Variants in SSC4D observed in about 807,000 individuals in gnomAD.
The protein encoded by SSC4D is scavenger receptor cysteine-rich domain-containing group B protein.
In SSC4D, 57 loss-of-function variants were observed where a neutral mutation model predicts 63.4. That is an observed-to-expected ratio of 0.90 (90% CI 0.73 to 1.12). The LOEUF (loss-of-function observed/expected upper bound fraction) is 1.12. Ranked by LOEUF, SSC4D falls within the 50% of genes most tolerant of loss-of-function variation. The probability of loss-of-function intolerance (pLI) is 0.00; values close to 1 mark genes in which losing one functional copy is unlikely to be tolerated. For missense variants in SSC4D, 791 were observed against 806.4 expected (o/e 0.98, Z 0.23); for synonymous variants, 352 against 345.4 (o/e 1.02, Z -0.21).
chr7:76,396,581 G>A (rs1278619362), intron 6 of SSC4D, among the ~76,000 whole-genome samples: 1 of 152,162 alleles, frequency 6.6e-6, no homozygotes, highest in Non-Finnish European at 1.5e-5. Context: ...TTTGCTGAGG[G>A]AAGCCAAAAA....
chr7:76,394,910 G>A (rs999584576), intron 7 of SSC4D, among the ~76,000 whole-genome samples: 4 of 131,292 alleles, frequency 3.0e-5, no homozygotes, highest in Admixed American at 7.8e-5. Context: ...GTCTAGCTAC[G>A]TTGCCCAGGA....
chr7:76,394,408 ATTT>A (rs56223813), intron 7 of SSC4D, among the ~76,000 whole-genome samples: 7 of 134,244 alleles, frequency 5.2e-5, no homozygotes, highest in Non-Finnish European at 6.4e-5. Flanking sequence ...TGCCCAGCTA[ATTT>A]TTTTTTTTTT....
At chr7:76,409,210 G>A (rs1805150170) in intron 1 of SSC4D, among the ~76,000 whole-genome samples, 1 of 152,000 alleles carries the variant, frequency 6.6e-6, no homozygotes, top group South Asian at 2.1e-4. Context: ...TCAAGGTGAT[G>A]GCTACAGAAT....
chr7:76,395,055 G>A (rs1804604998), intron 7 of SSC4D, among the ~76,000 whole-genome samples, 198 bp downstream of exon 7: 1 of 151,852 alleles, frequency 6.6e-6, no homozygotes, highest in South Asian at 2.1e-4. Context: ...CTCCCACCCC[G>A]CTGAAGTTTT....
intron 2 of SSC4D, 84 bp downstream of exon 2, chr7:76,404,223 A>G: frequency 3.5e-6 from 5 of 1,447,926 alleles, no homozygotes; most frequent in South Asian, 2.9e-5. Context: ...CTCATTCACA[A>G]CCCTCCTCCT....
rs1308478511 is a variant in SSC4D at position 76,393,646 on chromosome 7, GC to G, written c.1091del (p.Gly364AlafsTer57). On this transcript the variant is annotated frameshift_variant, in exon 9 of 11. Coordinates refer to ENST00000275560, the MANE Select transcript of SSC4D (RefSeq NM_080744.2). LOFTEE classifies it high-confidence loss of function. ...RGRVEVLHAG[G>X]WGTVCDDDWD... Reference sequence around the variant, plus strand: ...AGTCATCGTCGCACACGGTGCCCCAGCCCCCGGCGTGCAACACCTCCACGCG... The same window carrying G: ...AGTCATCGTCGCACACGGTGCCCCAGCCCCGGCGTGCAACACCTCCACGCG... 10 of 1,481,182 alleles carry G rather than the reference GC, an allele frequency of 6.8e-6. No homozygotes were observed. The highest frequency in any genetic ancestry group is 2.3e-5 in the Admixed American group (1 of 43,544). The allele number at this position is 1,481,182 out of a possible 1,614,324, so 91.8% of individuals were successfully genotyped here.
chr7:76,408,306 C>G (rs1467744780), intron 1 of SSC4D, among the ~76,000 whole-genome samples: 1 of 152,140 alleles, frequency 6.6e-6, no homozygotes, highest in African/African-American at 2.4e-5. Context: ...GGGCCCAGGA[C>G]AGCCCCCAGT....
chr7:76,394,232 A>G (rs1165413477), intron 7 of SSC4D, among the ~76,000 whole-genome samples: 1 of 151,782 alleles, frequency 6.6e-6, no homozygotes, highest in Non-Finnish European at 1.5e-5. Flanking sequence ...TCTCAGCATC[A>G]TCCCATTGAA....
At chr7:76,393,351 C>T (rs1490934405) in intron 9 of SSC4D, 54 bp downstream of exon 9, 13 of 1,303,766 alleles carry the variant, frequency 1.0e-5, no homozygotes, top group Non-Finnish European at 1.3e-5. Context: ...CCCGCCCCTC[C>T]CACGCCGCAG....
At position 76,390,347 on chromosome 7, in the gene SSC4D, G is replaced by A; in HGVS notation, c.1440C>T (p.His480=). 1.4e-5 allele frequency: 22 copies of A among 1,602,478 alleles called. No homozygotes were observed. Among genetic ancestry groups the A allele is most frequent in the Non-Finnish European group, 1.9e-5 (22 of 1,173,398 alleles). The change falls in exon 11 of 11, where the codon CAC becomes CAT. Residue 480 remains histidine (H), a synonymous_variant. Coordinates refer to ENST00000275560, the MANE Select transcript of SSC4D (RefSeq NM_080744.2). ...AGAGCTCTACACGTCCCTCGCATCG[G>A]TGGGCTCCATTGACCAGACGTAGAT... ...DGHLRLVNGA[H]RCEGRVELYL...
Position 76,405,146 on chromosome 7 carries a change from C to T in SSC4D, c.-66-641G>A, listed in dbSNP as rs186045095. 3.9e-3 allele frequency among the ~76,000 whole-genome samples: 554 copies of T among 143,794 alleles called. 5 individuals are homozygous for T. The highest frequency in any genetic ancestry group is 0.013 in the African/African-American group (527 of 39,746). The allele number at this position is 143,794 out of a possible 152,430, so 94.3% of individuals were successfully genotyped here. A position where few individuals can be genotyped will look rare whatever the true frequency, so the allele number is the denominator to read the frequency against. ...TTCAGACAGAGTCTCACTCTGTGGCCAGGCTGGAGTGTAATGGCACAATCT... is the reference window on the plus strand; with the variant it reads ...TTCAGACAGAGTCTCACTCTGTGGCTAGGCTGGAGTGTAATGGCACAATCT... On this transcript the variant is annotated intron_variant, in intron 1 of 10. Transcript: ENST00000275560.
At chr7:76,403,017 G>A (rs1804879603) in intron 2 of SSC4D, among the ~76,000 whole-genome samples, 1 of 152,198 alleles carries the variant, frequency 6.6e-6, no homozygotes, top group African/African-American at 2.4e-5. Flanking sequence ...TAATTTATAA[G>A]TTAGGCAGGA....
chr7:76,400,705 A>G (rs1804793970), intron 3 of SSC4D, 114 bp from the exon 4 acceptor site: 1 of 1,215,298 alleles, frequency 8.2e-7, no homozygotes, highest in Non-Finnish European at 1.1e-6. Flanking sequence ...ACGGGGTCTC[A>G]CTATGTTGCC....
intron 4 of SSC4D, among the ~76,000 whole-genome samples, chr7:76,399,076 A>G (rs1198828584): frequency 1.3e-5 from 2 of 151,972 alleles, no homozygotes; most frequent in Admixed American, 6.6e-5. Context: ...CAATGGTGCA[A>G]TCTCAGCTTG....
intron 7 of SSC4D, among the ~76,000 whole-genome samples, 193 bp downstream of exon 7, chr7:76,395,060 A>G (rs927722086): frequency 1.3e-5 from 2 of 151,824 alleles, no homozygotes; most frequent in African/African-American, 4.8e-5. Context: ...ACCCCGCTGA[A>G]GTTTTCAGAG....
chr7:76,403,134 T>G (rs920774770), intron 2 of SSC4D, among the ~76,000 whole-genome samples: 1 of 152,194 alleles, frequency 6.6e-6, no homozygotes, highest in African/African-American at 2.4e-5. Context: ...GCCACACTCT[T>G]CTTCATCATG....
At position 76,390,151 on chromosome 7, in the gene SSC4D, C is replaced by T; in HGVS notation, c.1636G>A (p.Glu546Lys). 1 of 1,614,244 alleles carries T rather than the reference C, an allele frequency of 6.2e-7. No individual in the cohort carries two copies. Among genetic ancestry groups the T allele is most frequent in the Non-Finnish European group, 8.5e-7 (1 of 1,180,048 alleles). The change falls in exon 11 of 11, where the codon GAA (glutamate) becomes AAA (lysine). Residue 546 changes from glutamate to lysine, a missense_variant. By Grantham distance (56) the Glu-to-Lys change is moderately conservative. Coordinates refer to ENST00000275560, the MANE Select transcript of SSC4D (RefSeq NM_080744.2). Reference protein sequence around the residue: ...LLDNVKCRGEESALLLCSHIR... With the variant: ...LLDNVKCRGEKSALLLCSHIR... ...TGAGAGCAGAGCAGCAGAGCACTTT[C>T]TTCCCCACGGCACTTGACATTGTCC... is the stretch of plus-strand genomic sequence containing the variant.
At chr7:76,402,182 ATTTT>A (rs57389874) in intron 2 of SSC4D, among the ~76,000 whole-genome samples, 2 of 127,214 alleles carry the variant, frequency 1.6e-5, no homozygotes, top group Non-Finnish European at 3.3e-5. Flanking sequence ...CTGCCCAGCT[ATTTT>A]TTTTTTTTTT....
At chr7:76,405,507 G>T (rs2115809986) in intron 1 of SSC4D, among the ~76,000 whole-genome samples, 1 of 150,448 alleles carries the variant, frequency 6.6e-6, no homozygotes, top group Admixed American at 6.7e-5. Flanking sequence ...TATGAGTCGG[G>T]TATGGTGACA....
Sources: allele counts gnomAD v4.1 joint callset (sites outside exome capture counted in the v4.1 genomes callset), GRCh38; gene constraint gnomAD v4.1.1; transcripts MANE v1.5; gene names NCBI Gene and HGNC (gene_info 2026-07-23, HGNC 2026-07-21).